The following KIF11 variants were observed in gnomAD, a reference collection of about 807,000 sequenced individuals.
KIF11 encodes kinesin-like protein KIF11.
In KIF11, 9 loss-of-function variants were observed where a neutral mutation model predicts 121.0. The ratio of observed to expected loss-of-function variants is 0.07; its 90% CI spans 0.04 to 0.13. The LOEUF (loss-of-function observed/expected upper bound fraction) is 0.13, where lower values mean the gene tolerates loss of function less well. Among genes scored for constraint, KIF11 ranks in the 10% least tolerant of loss-of-function variants. KIF11 has a pLI of 1.00. For synonymous variants in KIF11, 408 were observed against 421.0 expected (o/e 0.97, Z 0.38); for missense variants, 846 against 1,217.5 (o/e 0.69, Z 4.54).
At chr10:92,600,297 T>G (rs1199929641) in intron 1 of KIF11, among the ~76,000 whole-genome samples, 2 of 152,000 alleles carry the variant, frequency 1.3e-5, no homozygotes, top group African/African-American at 4.8e-5. Flanking sequence ...GCCACTGCAC[T>G]TGGCCTTATT....
intron 10 of KIF11, among the ~76,000 whole-genome samples, chr10:92,624,554 A>G (rs1589598863): frequency 6.6e-6 from 1 of 151,860 alleles, no homozygotes; most frequent in Non-Finnish European, 1.5e-5. Flanking sequence ...GCTCTTTTTT[A>G]TGCCTGTGTA....
At position 92,649,800 on chromosome 10, in the gene KIF11, T is replaced by C. The variant is rs199621636; in HGVS notation, c.2771-35T>C. 7.6e-6 allele frequency: 11 copies of C among 1,456,914 alleles called. No individual in the cohort carries two copies. The African/African-American group carries it at 1.4e-4, about 19-fold the overall frequency. The allele number at this position is 1,456,914 out of a possible 1,614,324, so 90.2% of individuals were successfully genotyped here. The stretch of plus-strand genomic sequence containing the variant: ...TTTTAAAAATATTTACATCTCATAC[T>C]TTAATTTTTACCTCTTATCTAATGT... On this transcript the variant is annotated intron_variant, in intron 19 of 21. Coordinates refer to ENST00000260731, the MANE Select transcript of KIF11 (RefSeq NM_004523.4).
intron 17 of KIF11, among the ~76,000 whole-genome samples, chr10:92,642,800 C>G (rs1844878982): frequency 6.6e-6 from 1 of 152,138 alleles, no homozygotes; most frequent in Non-Finnish European, 1.5e-5. Flanking sequence ...ATGATGTATC[C>G]TTCTCCATCT....
At chr10:92,645,240 G>A (rs1184462833) in intron 17 of KIF11, 123 bp from the exon 18 acceptor site, 12 of 648,386 alleles carry the variant, frequency 1.9e-5, no homozygotes, top group African/African-American at 1.7e-4. Flanking sequence ...CTAAGATCAC[G>A]GGCCCTGGAG....
chr10:92,645,152 A>G (rs1222820072), intron 17 of KIF11, among the ~76,000 whole-genome samples: 7 of 152,196 alleles, frequency 4.6e-5, no homozygotes, highest in African/African-American at 1.7e-4. Context: ...AGCAAAGATG[A>G]TCCTTTCAAA....
chr10:92,605,546 G>A (rs1232623800), intron 1 of KIF11, among the ~76,000 whole-genome samples: 1 of 143,468 alleles, frequency 7.0e-6, no homozygotes, highest in East Asian at 2.0e-4. Context: ...GAGTGCAATG[G>A]CGCGATCTTG....
chr10:92,606,590 A>ATTTT, intron 2 of KIF11, 29 bp from the exon 3 acceptor site: 1 of 1,117,692 alleles, frequency 8.9e-7, no homozygotes. Context: ...TTTGAGGTTG[A>ATTTT]TTTTTTTTTT....
chr10:92,608,872 A>G, intron 4 of KIF11, 148 bp from the exon 5 acceptor site: 4 of 507,082 alleles, frequency 7.9e-6, no homozygotes, highest in Non-Finnish European at 1.4e-5. Flanking sequence ...TGACTTCTCT[A>G]ACATTAGGTT....
In KIF11 at chr10:92,633,794, T is replaced by C. The variant is rs760331679; in HGVS notation, c.1874T>C (p.Ile625Thr). The C allele has an allele frequency of 6.4e-7, 1 of 1,552,520 alleles. No homozygotes were observed. Among genetic ancestry groups the C allele is most frequent in the East Asian group, 2.3e-5 (1 of 44,436 alleles). Reference sequence around the variant, plus strand: ...AGTAAAACTGTACTACAGGAATTGATTGTTAGTACATCCTTTAAAATATTT... The same window carrying C: ...AGTAAAACTGTACTACAGGAATTGACTGTTAGTACATCCTTTAAAATATTT... ...AESKTVLQEL[I>T]NVLKTDLLSS... The change falls in exon 14 of 22, where the codon ATT becomes ACT. Residue 625 changes from isoleucine to threonine, a missense_variant and splice_region_variant. Coordinates refer to ENST00000260731, the MANE Select transcript of KIF11 (RefSeq NM_004523.4).
At chr10:92,609,625 GT>G in intron 6 of KIF11, 116 bp downstream of exon 6, 1 of 882,550 alleles carries the variant, frequency 1.1e-6, no homozygotes, top group Non-Finnish European at 1.7e-6. Flanking sequence ...TAGAGTTTGT[GT>G]TATAAGGAGG....
At chr10:92,610,341 CTCTAA>C (rs1844482462) in intron 6 of KIF11, among the ~76,000 whole-genome samples, 1 of 152,086 alleles carries the variant, frequency 6.6e-6, no homozygotes, top group African/African-American at 2.4e-5. Context: ...ATTTTTTTCG[CTCTAA>C]ATATCTTTTA....
In KIF11 at chr10:92,613,538, T is replaced by G; in HGVS notation, c.951T>G (p.Thr317=). 1 of 1,610,598 alleles carries G rather than the reference T, an allele frequency of 6.2e-7. No homozygotes were observed. The highest frequency in any genetic ancestry group is 8.5e-7 in the Non-Finnish European group (1 of 1,176,922). Reference sequence around the variant, plus strand: ...TTCCTTATCGAGAATCTAAACTAACTAGAATCCTCCAGGATTCTCTTGGAG... The same window carrying G: ...TTCCTTATCGAGAATCTAAACTAACGAGAATCCTCCAGGATTCTCTTGGAG... ...PHVPYRESKL[T]RILQDSLGGR... The change falls in exon 8 of 22, where the codon ACT becomes ACG. Residue 317 remains threonine, a synonymous_variant. Transcript: ENST00000260731. This position sits in a 1 kb window ranked among gnomAD's most constrained non-coding sequence, Gnocchi z 4.2.
intron 13 of KIF11, among the ~76,000 whole-genome samples, chr10:92,633,183 T>C (rs1408453645): frequency 6.6e-6 from 1 of 152,160 alleles, no homozygotes; most frequent in Non-Finnish European, 1.5e-5. Flanking sequence ...TAGTGTGAAA[T>C]ACTATCCTCA....
chr10:92,626,147 C>T (rs1056555255), intron 10 of KIF11, among the ~76,000 whole-genome samples: 4 of 152,150 alleles, frequency 2.6e-5, no homozygotes, highest in African/African-American at 9.7e-5. Flanking sequence ...AAGCTGGAGG[C>T]ATCGCATTAC....
chr10:92,610,691 G>C (rs953602757), intron 6 of KIF11, among the ~76,000 whole-genome samples: 1 of 152,128 alleles, frequency 6.6e-6, no homozygotes, highest in African/African-American at 2.4e-5. Context: ...GTTTCTCTGA[G>C]CTACAAAATT....
chr10:92,626,169 C>G (rs753122630), intron 10 of KIF11, among the ~76,000 whole-genome samples: 2 of 152,188 alleles, frequency 1.3e-5, no homozygotes, highest in African/African-American at 4.8e-5. Flanking sequence ...TGACTTCAAA[C>G]TATACTACAG....
At chr10:92,648,785 A>T (rs1844948997) in intron 19 of KIF11, among the ~76,000 whole-genome samples, 1 of 152,230 alleles carries the variant, frequency 6.6e-6, no homozygotes, top group Non-Finnish European at 1.5e-5. Flanking sequence ...TGCAAAGTTT[A>T]CCACATTGTG....
At position 92,642,029 on chromosome 10, in the gene KIF11, A is replaced by AT. The variant is rs370836368; in HGVS notation, c.2267+2136dup. Among the ~76,000 whole-genome samples the AT allele has an allele frequency of 3.1e-3, 474 of 151,806 alleles. 6 individuals are homozygous for AT. Among genetic ancestry groups the AT allele is most frequent in the African/African-American group, 0.011 (446 of 41,410 alleles). Reference sequence around the variant, plus strand: ...TTTTATACCTTGTTTCTTAGCTAGGATTTTTTTCTTTTCCAGGAGTATTTT... The same window carrying AT: ...TTTTATACCTTGTTTCTTAGCTAGGATTTTTTTTCTTTTCCAGGAGTATTTT... On this transcript the variant is annotated intron_variant, in intron 17 of 21. Coordinates refer to ENST00000260731, the MANE Select transcript of KIF11 (RefSeq NM_004523.4).
intron 17 of KIF11, among the ~76,000 whole-genome samples, chr10:92,640,722 G>A (rs1488773198): frequency 1.4e-5 from 2 of 147,396 alleles, no homozygotes; most frequent in East Asian, 4.2e-4. Flanking sequence ...GAGCCACCAC[G>A]CCCGGCTCTG....
Sources: allele counts gnomAD v4.1 joint callset (sites outside exome capture counted in the v4.1 genomes callset), GRCh38; gene constraint gnomAD v4.1.1; non-coding constraint Gnocchi (gnomAD v3.1); transcripts MANE v1.5; gene names NCBI Gene and HGNC (gene_info 2026-07-23, HGNC 2026-07-21).